Variants in PDE11A observed in about 807,000 individuals in gnomAD.
The protein encoded by PDE11A is dual 3',5'-cyclic-AMP and -GMP phosphodiesterase 11A.
In PDE11A, 100 loss-of-function variants were observed where a neutral mutation model predicts 100.5. That is an observed-to-expected ratio of 1.00 (90% CI 0.85 to 1.18). The LOEUF is 1.18. Ranked by LOEUF, PDE11A falls within the 50% of genes most tolerant of loss-of-function variation. PDE11A has a pLI of 0.00. For synonymous variants in PDE11A, 381 were observed against 420.8 expected (o/e 0.91, Z 1.16); for missense variants, 1,141 against 1,152.6 (o/e 0.99, Z 0.15).
At chr2:177,701,056 G>C (rs987170918) in intron 14 of PDE11A, 65 bp downstream of exon 14, 6 of 894,514 alleles carry the variant, frequency 6.7e-6, no homozygotes, top group Admixed American at 3.5e-5. Flanking sequence ...CAAAGGAAGA[G>C]AGGGAGGAAA....
At position 177,831,985 on chromosome 2, in the gene PDE11A, T is replaced by C. The variant is rs188168248; in HGVS notation, c.1500+8266A>G. ...CAGTACAGGTATTACAGTAGGTATC[T>C]AGTCAGGAAGGAGCACGGCAGGAGA... On this transcript the variant is annotated intron_variant, in intron 6 of 19. Transcript: ENST00000286063. Among the ~76,000 whole-genome samples, 88 of 152,276 alleles carry C rather than the reference T, an allele frequency of 5.8e-4. No homozygotes were observed. In the Middle Eastern group the frequency reaches 0.01, roughly 18 times the overall value.
At chr2:177,641,624 G>T (rs1204385364) in intron 19 of PDE11A, among the ~76,000 whole-genome samples, 1 of 152,076 alleles carries the variant, frequency 6.6e-6, no homozygotes, top group Admixed American at 6.5e-5. Flanking sequence ...AAATTAATTT[G>T]TATTAAATTG....
At chr2:177,737,351 G>C (rs1430710644) in intron 10 of PDE11A, among the ~76,000 whole-genome samples, 3 of 151,672 alleles carry the variant, frequency 2.0e-5, no homozygotes, top group Admixed American at 6.6e-5. Context: ...GGCTGAAGTG[G>C]ACAGATCACG....
chr2:177,843,773 T>C (rs779021131), intron 5 of PDE11A, among the ~76,000 whole-genome samples: 3 of 152,184 alleles, frequency 2.0e-5, no homozygotes, highest in Non-Finnish European at 4.4e-5. Flanking sequence ...CACACTGACA[T>C]ATAAACAATA....
At chr2:177,872,192 T>C (rs1476907867) in intron 5 of PDE11A, among the ~76,000 whole-genome samples, 1 of 152,140 alleles carries the variant, frequency 6.6e-6, no homozygotes, top group African/African-American at 2.4e-5. Flanking sequence ...TATATGACTG[T>C]TGAAGGAAGG....
rs370058975 is a variant in PDE11A at position 177,629,484 on chromosome 2, G to A, written c.2725C>T (p.His909Tyr). ...ATNRSKWEEL[H>Y]QKRLLASTAS... is the part of the protein sequence containing the mutation. ...GTTGAGGCCAGCAGTCGTTTTTGGTGTAGCTCTTCCCACTTACTTCTGTTT... is the reference window on the plus strand; with the variant it reads ...GTTGAGGCCAGCAGTCGTTTTTGGTATAGCTCTTCCCACTTACTTCTGTTT... Residue 909 changes from histidine to tyrosine, a missense_variant, in exon 20 of 20, where the codon CAC becomes TAC. Physicochemically the swap from His to Tyr is moderately conservative, Grantham distance 83. Transcript: ENST00000286063. 67 of 1,612,668 alleles carry A rather than the reference G, an allele frequency of 4.2e-5. No homozygotes were observed. Among genetic ancestry groups the A allele is most frequent in the Non-Finnish European group, 5.4e-5 (64 of 1,178,812 alleles).
intron 2 of PDE11A, among the ~76,000 whole-genome samples, chr2:178,089,941 A>G (rs1312941826): frequency 2.6e-5 from 4 of 152,232 alleles, no homozygotes; most frequent in African/African-American, 9.6e-5. Context: ...TAGAGAAGCT[A>G]TAAAAGAATA....
At chr2:177,711,395 A>C (rs1255219715) in intron 13 of PDE11A, among the ~76,000 whole-genome samples, 2 of 152,254 alleles carry the variant, frequency 1.3e-5, no homozygotes, top group East Asian at 3.8e-4. Context: ...GCTTCATCAA[A>C]TTTCCTAAGA....
At chr2:177,933,209 T>C in intron 2 of PDE11A, among the ~76,000 whole-genome samples, 1 of 152,292 alleles carries the variant, frequency 6.6e-6, no homozygotes, top group South Asian at 2.1e-4. Context: ...AATTCCATGC[T>C]CATTGATTGG....
chr2:177,665,159 A>G (rs1031543807), intron 18 of PDE11A, among the ~76,000 whole-genome samples: 2 of 151,684 alleles, frequency 1.3e-5, no homozygotes, highest in African/African-American at 2.4e-5. Flanking sequence ...CTTGTGAATA[A>G]TATGAGTCTT....
intron 9 of PDE11A, among the ~76,000 whole-genome samples, chr2:177,779,441 G>A (rs373523576): frequency 1.3e-5 from 2 of 152,106 alleles, no homozygotes; most frequent in African/African-American, 4.8e-5. Flanking sequence ...TTTTACCCAC[G>A]GTAGAACTTC....
In PDE11A at chr2:178,071,793, G is replaced by A; in HGVS notation, c.645C>T (p.Asp215=). 6.2e-7 allele frequency: 1 copy of A among 1,613,478 alleles called. No homozygotes were observed. The highest frequency in any genetic ancestry group is 8.5e-7 in the Non-Finnish European group (1 of 1,179,416). Residue 215 remains aspartate (D), a synonymous_variant, in exon 1 of 20, where the codon GAC becomes GAT. Coordinates refer to ENST00000286063, the MANE Select transcript of PDE11A (RefSeq NM_016953.4). Reference sequence around the variant, plus strand: ...TGTAGCTCAGGCTGGTGAGGTCAAGGTCATTGGAGATATCTTTGACCAATT... The same window carrying A: ...TGTAGCTCAGGCTGGTGAGGTCAAGATCATTGGAGATATCTTTGACCAATT... ...FLELVKDISN[D]LDLTSLSYKI...
chr2:177,873,685 C>T (rs2084183158), intron 5 of PDE11A, among the ~76,000 whole-genome samples: 2 of 152,180 alleles, frequency 1.3e-5, no homozygotes, highest in Admixed American at 1.3e-4. Flanking sequence ...CTCTCCATCT[C>T]CTGTCCCTGG....
intron 2 of PDE11A, among the ~76,000 whole-genome samples, chr2:177,965,602 T>C (rs778850178): frequency 7.9e-5 from 12 of 152,332 alleles, no homozygotes; most frequent in Non-Finnish European, 1.6e-4. Flanking sequence ...CCCAGCACCA[T>C]TTATTGAATA....
At chr2:177,879,281 A>G (rs1412391127) in intron 4 of PDE11A, among the ~76,000 whole-genome samples, 2 of 152,240 alleles carry the variant, frequency 1.3e-5, no homozygotes, top group African/African-American at 4.8e-5. Flanking sequence ...TAATCTAGCA[A>G]TCTTATGCTG....
chr2:177,711,531 CT>C (rs2081359119), intron 13 of PDE11A, among the ~76,000 whole-genome samples: 1 of 152,152 alleles, frequency 6.6e-6, no homozygotes. Context: ...GCTTTGTTAT[CT>C]GAGTAAGGTC....
At chr2:177,888,731 T>A (rs1448478931) in intron 4 of PDE11A, 1 of 828,474 alleles carries the variant, frequency 1.2e-6, no homozygotes, top group Non-Finnish European at 1.5e-6. Context: ...TGAAGTAACA[T>A]CTTTCCACAG....
chr2:177,691,584 C>T (rs1439962418), intron 15 of PDE11A, among the ~76,000 whole-genome samples: 1 of 152,078 alleles, frequency 6.6e-6, no homozygotes, highest in African/African-American at 2.4e-5. Context: ...TTTTGGAGTC[C>T]AACTACTTGG....
Position 177,675,581 on chromosome 2 carries a change from G to A in PDE11A, c.2424-63C>T, listed in dbSNP as rs374468064. ...TTTTGTTGCATTCCTAAACAAACCC[G>A]TCCTAGATACATAAATAAATAAAAT... On this transcript the variant is annotated intron_variant, in intron 16 of 19. Coordinates refer to ENST00000286063, the MANE Select transcript of PDE11A (RefSeq NM_016953.4). 6.0e-5 allele frequency: 70 copies of A among 1,160,148 alleles called. No homozygotes were observed. The African/African-American group carries it at 6.2e-4, about 10-fold the overall frequency. The allele number at this position is 1,160,148 out of a possible 1,614,324, so 71.9% of individuals were successfully genotyped here. A position where few individuals can be genotyped will look rare whatever the true frequency, so the allele number is the denominator to read the frequency against.
Sources: allele counts gnomAD v4.1 joint callset (sites outside exome capture counted in the v4.1 genomes callset), GRCh38; gene constraint gnomAD v4.1.1; transcripts MANE v1.5; gene names NCBI Gene and HGNC (gene_info 2026-07-23, HGNC 2026-07-21).